DYNLT2: variants seen among roughly 807,000 people sequenced by gnomAD.
DYNLT2 encodes the protein dynein light chain Tctex-type 2, also known as dynein light chain Tctex-type protein 2.
Under a neutral mutation model 24.3 loss-of-function variants are expected in DYNLT2, and 24 were observed. The ratio of observed to expected loss-of-function variants is 0.99; its 90% CI spans 0.71 to 1.39. The LOEUF is 1.39. DYNLT2 is among the 40% of genes most tolerant of loss of function. The pLI is 0.00. For missense variants in DYNLT2, 246 were observed against 234.5 expected (o/e 1.05, Z -0.32); for synonymous variants, 85 against 85.4 (o/e 1.00, Z 0.03).
At chr6:169,744,455 C>A (rs576525905) in intron 1 of DYNLT2, among the ~76,000 whole-genome samples, 181 bp from the exon 2 acceptor site, 31 of 148,312 alleles carry the variant, frequency 2.1e-4, no homozygotes, top group African/African-American at 7.6e-4. Context: ...TCCTGGCTAT[C>A]AATTTGGCAA....
the DYNLT2 span, among the ~76,000 whole-genome samples, chr6:169,729,400 G>A: frequency 6.4e-4 from 98 of 151,998 alleles, no homozygotes; most frequent in African/African-American, 2.3e-3. Flanking sequence ...TTTATTTGCT[G>A]TACTTTCATC....
At chr6:169,741,547 G>C (rs1438364420) in intron 3 of DYNLT2, among the ~76,000 whole-genome samples, 1 of 152,154 alleles carries the variant, frequency 6.6e-6, no homozygotes, top group Non-Finnish European at 1.5e-5. Flanking sequence ...AAGATACTCA[G>C]TTCTGGGGTG....
chr6:169,748,895 T>A (rs1430385902), intron 1 of DYNLT2, among the ~76,000 whole-genome samples: 2 of 152,260 alleles, frequency 1.3e-5, no homozygotes, highest in East Asian at 3.8e-4. Context: ...AAGAGTATTT[T>A]ATTCCTTTTA....
chr6:169,750,666 T>C (rs1354687443), intron 1 of DYNLT2: 1 of 152,190 alleles, frequency 6.6e-6, no homozygotes, highest in Non-Finnish European at 1.5e-5. Context: ...CTTTGTATCC[T>C]TGGGCAAACT....
rs147488273 is a variant in DYNLT2 at position 169,745,227 on chromosome 6, G to A, written c.121-953C>T. Reference sequence around the variant, plus strand: ...TCTGCCTCAGCCTCCTGAGTAGCTGGGACTACAGGTGCATGCCACCACTCC... The same window carrying A: ...TCTGCCTCAGCCTCCTGAGTAGCTGAGACTACAGGTGCATGCCACCACTCC... On this transcript the variant is annotated intron_variant, in intron 1 of 3. Coordinates refer to ENST00000366774, the MANE Select transcript of DYNLT2 (RefSeq NM_174910.3). Among the ~76,000 whole-genome samples, 664 of 152,012 alleles carry A rather than the reference G, an allele frequency of 4.4e-3. 10 individuals carry two copies. The East Asian group carries it at 0.045, about 10-fold the overall frequency.
chr6:169,736,402 A>G (rs1789563731), downstream of DYNLT2, among the ~76,000 whole-genome samples: 1 of 152,078 alleles, frequency 6.6e-6, no homozygotes, highest in Non-Finnish European at 1.5e-5. Flanking sequence ...CAGTTTCTTC[A>G]TAGTGTCATT....
the DYNLT2 span, among the ~76,000 whole-genome samples, chr6:169,731,804 T>C: frequency 0.09 from 13,640 of 152,198 alleles, 1,783 homozygotes; most frequent in East Asian, 0.6. Context: ...TAAGTATATA[T>C]GGGGTTTTAC....
At chr6:169,737,468 G>A (rs1789585354), downstream of DYNLT2, among the ~76,000 whole-genome samples, 1 of 152,036 alleles carries the variant, frequency 6.6e-6, no homozygotes, top group African/African-American at 2.4e-5. Flanking sequence ...TCTAGTTTTG[G>A]TCTTTGAGGC....
In DYNLT2 at chr6:169,743,313, A is replaced by G. The variant is rs115517841; in HGVS notation, c.328-75T>C. 2.5e-3 allele frequency: 2,020 copies of G among 799,388 alleles called. 32 individuals carry two copies. In the African/African-American group the frequency reaches 0.031, roughly 12 times the overall value. 49.5% of individuals were successfully genotyped at this position (799,388 alleles called of 1,614,324 possible). A position where few individuals can be genotyped will look rare whatever the true frequency, so the allele number is the denominator to read the frequency against. ...CTATATAAAAATTCAAGTAGAAAAC[A>G]TGTCTAAATAATATATATATAACTG... On this transcript the variant is annotated intron_variant, in intron 2 of 3. Transcript: ENST00000366774.
At chr6:169,725,518 C>T in the DYNLT2 span, 5 of 394,718 alleles carry the variant, frequency 1.3e-5, no homozygotes, top group Admixed American at 8.8e-5. Flanking sequence ...CCGTTCTTGC[C>T]TCTGTCCCAC....
chr6:169,729,327 C>T, the DYNLT2 span, among the ~76,000 whole-genome samples: 3 of 151,916 alleles, frequency 2.0e-5, no homozygotes, highest in East Asian at 3.9e-4. Flanking sequence ...CCTATCTTTG[C>T]TTTGCTTTTG....
At chr6:169,740,810 A>ATT (rs35611898) in intron 3 of DYNLT2, among the ~76,000 whole-genome samples, 5,960 of 144,290 alleles carry the variant, frequency 0.041, 385 homozygotes, top group African/African-American at 0.14. Context: ...AATGGCCCCA[A>ATT]TTTTTTTTTT....
At chr6:169,729,601 G>A in the DYNLT2 span, among the ~76,000 whole-genome samples, 1 of 152,152 alleles carries the variant, frequency 6.6e-6, no homozygotes, top group Non-Finnish European at 1.5e-5. Context: ...TGGACTGAAT[G>A]TTTGTGCCTT....
the DYNLT2 span, chr6:169,725,241 T>C: frequency 2.5e-6 from 1 of 398,766 alleles, no homozygotes; most frequent in Non-Finnish European, 4.4e-6. Flanking sequence ...CGCCTGCAGA[T>C]GACTTGTTCT....
chr6:169,740,785 T>A (rs972312454), intron 3 of DYNLT2, among the ~76,000 whole-genome samples: 6 of 151,044 alleles, frequency 4.0e-5, no homozygotes, highest in African/African-American at 9.8e-5. Context: ...GCCCACTTCT[T>A]TGTGGAGGAT....
Position 169,740,228 on chromosome 6 carries a change from G to A in DYNLT2, c.554C>T (p.Ser185Phe). 6.2e-7 allele frequency: 1 copy of A among 1,614,008 alleles called. No individual in the cohort carries two copies. Among genetic ancestry groups the A allele is most frequent in the Non-Finnish European group, 8.5e-7 (1 of 1,179,928 alleles). Residue 185 changes from serine to phenylalanine, a missense_variant, in exon 4 of 4, where the codon TCC (serine) becomes TTC (phenylalanine). Ser to Phe is a radical substitution (Grantham distance 155). Transcript: ENST00000366774. ...SWVAAKHEAE[S>F]YVALVLVFAL... is the part of the protein sequence containing the mutation. The stretch of plus-strand genomic sequence containing the variant: ...AAACACCAAGACCAGTGCCACGTAG[G>A]ATTCTGCTTCGTGTTTAGCTGCGAC...
chr6:169,742,081 T>C (rs371918825), intron 3 of DYNLT2, among the ~76,000 whole-genome samples: 27 of 152,304 alleles, frequency 1.8e-4, no homozygotes, highest in African/African-American at 6.5e-4. Context: ...CTCCCACATA[T>C]TCCTTACCAA....
Position 169,743,231 on chromosome 6 carries a change from A to C in DYNLT2, c.335T>G (p.Leu112Arg), listed in dbSNP as rs1274980482. 6.8e-7 allele frequency: 1 copy of C among 1,469,706 alleles called. No individual in the cohort carries two copies. The highest frequency in any genetic ancestry group is 1.4e-5 in the African/African-American group (1 of 71,240). 91.0% of individuals were successfully genotyped at this position (1,469,706 alleles called of 1,614,324 possible). A position where few individuals can be genotyped will look rare whatever the true frequency, so the allele number is the denominator to read the frequency against. ...TKVQQILTES[L>R]KDVKYDDKVF... Reference sequence around the variant, plus strand: ...TTTATCATCATATTTGACATCTTTAAGACTTTCCTTTAAGAAAATTTAAGA... The same window carrying C: ...TTTATCATCATATTTGACATCTTTACGACTTTCCTTTAAGAAAATTTAAGA... Residue 112 changes from leucine (L) to arginine (R), a missense_variant, in exon 3 of 4, where the codon CTT (leucine) becomes CGT (arginine). Leu to Arg is a moderately radical substitution (Grantham distance 102). Transcript: ENST00000366774.
At chr6:169,732,082 T>C in the DYNLT2 span, among the ~76,000 whole-genome samples, 2 of 152,240 alleles carry the variant, frequency 1.3e-5, no homozygotes. Flanking sequence ...AGGTTATTAC[T>C]AATTTTTTCT....
Sources: allele counts gnomAD v4.1 joint callset (sites outside exome capture counted in the v4.1 genomes callset), GRCh38; gene constraint gnomAD v4.1.1; transcripts MANE v1.5; gene names NCBI Gene and HGNC (gene_info 2026-07-23, HGNC 2026-07-21).